Variants in PTPN14 observed in about 807,000 individuals in gnomAD.
PTPN14 encodes protein tyrosine phosphatase non-receptor type 14, also known as tyrosine-protein phosphatase non-receptor type 14.
PTPN14 carries 53 observed loss-of-function variants against 126.8 expected under a neutral mutation model. The ratio of observed to expected loss-of-function variants is 0.42; its 90% CI spans 0.34 to 0.53. The LOEUF (loss-of-function observed/expected upper bound fraction) is 0.53. Among genes scored for constraint, PTPN14 ranks in the 20% least tolerant of loss-of-function variants. The probability of loss-of-function intolerance (pLI) is 0.08; values close to 1 mark genes in which losing one functional copy is unlikely to be tolerated. For missense variants in PTPN14, 1,257 were observed against 1,552.9 expected (o/e 0.81, Z 3.20); for synonymous variants, 630 against 599.3 (o/e 1.05, Z -0.75).
intron 1 of PTPN14, among the ~76,000 whole-genome samples, chr1:214,543,063 G>C (rs796232178): frequency 3.0e-4 from 46 of 152,170 alleles, no homozygotes; most frequent in African/African-American, 9.9e-4. Flanking sequence ...AATCTGCCTT[G>C]ACATGGTGTC....
chr1:214,501,023 T>C (rs1426931054), intron 1 of PTPN14, among the ~76,000 whole-genome samples: 1 of 152,122 alleles, frequency 6.6e-6, no homozygotes, highest in African/African-American at 2.4e-5. Context: ...AAACTAAATA[T>C]AGCAAAGATA....
rs556607449 is a variant in PTPN14, at chr1:214,462,503, G to A, written c.174+2127C>T. Among the ~76,000 whole-genome samples the A allele has an allele frequency of 2.0e-5, 3 of 152,238 alleles. No homozygotes were observed. In the East Asian group the frequency reaches 5.8e-4, roughly 29 times the overall value. On this transcript the variant is annotated intron_variant, in intron 2 of 18. Coordinates refer to ENST00000366956, the MANE Select transcript of PTPN14 (RefSeq NM_005401.5). The stretch of plus-strand genomic sequence containing the variant: ...AGTCCCCCACACTAAAGATGACATG[G>A]CCTTCTTTTCTACCTGCTGGACTGA...
At chr1:214,391,709 A>AAC (rs1658756393) in intron 10 of PTPN14, among the ~76,000 whole-genome samples, 1 of 151,454 alleles carries the variant, frequency 6.6e-6, no homozygotes, top group Non-Finnish European at 1.5e-5. Flanking sequence ...TACCATAAAA[A>AAC]AAAAAAAAAA....
At chr1:214,547,618 T>C (rs1656003962) in intron 1 of PTPN14, among the ~76,000 whole-genome samples, 3 of 152,222 alleles carry the variant, frequency 2.0e-5, no homozygotes, top group African/African-American at 4.8e-5. Flanking sequence ...GCTGCAAAGA[T>C]ACAGCAGCTA....
At chr1:214,548,052 C>A (rs1656016038) in intron 1 of PTPN14, among the ~76,000 whole-genome samples, 1 of 152,174 alleles carries the variant, frequency 6.6e-6, no homozygotes, top group Non-Finnish European at 1.5e-5. Flanking sequence ...CATCCTTGAC[C>A]TATTCTGTGT....
intron 6 of PTPN14, among the ~76,000 whole-genome samples, chr1:214,402,110 T>TAAA (rs952421810): frequency 2.1e-5 from 3 of 144,368 alleles, no homozygotes; most frequent in African/African-American, 7.6e-5. Flanking sequence ...TCTTCATTAT[T>TAAA]AAAAAAAAAA....
chr1:214,353,020 T>A lies in PTPN14; in HGVS notation c.*4902A>T, dbSNP rs12747796. On this transcript the variant is annotated 3_prime_UTR_variant, in exon 19 of 19. Transcript: ENST00000366956. ...TTCTGACACTGAGTAAGAACACAGGTCTGACTCAATCCCATCCCTTGAATC... is the reference window on the plus strand; with the variant it reads ...TTCTGACACTGAGTAAGAACACAGGACTGACTCAATCCCATCCCTTGAATC... 17,881 of 152,038 alleles carry A rather than the reference T, an allele frequency of 0.12. 1,153 individuals are homozygous for A. The highest frequency in any genetic ancestry group is 0.2 in the Middle Eastern group (58 of 294). The allele number at this position is 152,038 out of a possible 1,614,324, so 9.4% of individuals were successfully genotyped here.
At chr1:214,523,358 C>T (rs1015884642) in intron 1 of PTPN14, among the ~76,000 whole-genome samples, 4 of 152,132 alleles carry the variant, frequency 2.6e-5, no homozygotes, top group Admixed American at 2.0e-4. Context: ...ACCACATACA[C>T]GACAGTAGCC....
In PTPN14 at chr1:214,383,659, C is replaced by T; in HGVS notation, c.2196G>A (p.Glu732=). ...GGGCCGCCTGCAGCTGGGCACTGTA[C>T]TCCATCTTCTCCCGGAGCATGGGGA... ...PQIPMLREKM[E]YSAQLQAALA... is the part of the protein sequence containing the mutation. The change falls in exon 13 of 19, where the codon GAG becomes GAA. Residue 732 remains glutamate, a synonymous_variant. Transcript: ENST00000366956. This position sits in a 1 kb window ranked among gnomAD's most constrained non-coding sequence, Gnocchi z 4.4. 1 of 1,613,468 alleles carries T rather than the reference C, an allele frequency of 6.2e-7. No homozygotes were observed. The highest frequency in any genetic ancestry group is 8.5e-7 in the Non-Finnish European group (1 of 1,180,032).
chr1:214,455,349 T>C (rs1209264609), intron 2 of PTPN14, among the ~76,000 whole-genome samples: 1 of 152,170 alleles, frequency 6.6e-6, no homozygotes, highest in African/African-American at 2.4e-5. Flanking sequence ...TGATTGCAAA[T>C]AGAAACCACC....
At chr1:214,492,835 T>A (rs1467168335) in intron 1 of PTPN14, among the ~76,000 whole-genome samples, 1 of 150,772 alleles carries the variant, frequency 6.6e-6, no homozygotes, top group Non-Finnish European at 1.5e-5. Flanking sequence ...AAGGCAGAGG[T>A]TGCAGTGAGC....
intron 3 of PTPN14, among the ~76,000 whole-genome samples, chr1:214,435,416 A>T (rs997967167): frequency 6.6e-6 from 1 of 152,156 alleles, no homozygotes; most frequent in Non-Finnish European, 1.5e-5. Flanking sequence ...CAATGTCCTA[A>T]ATTAGAAAAT....
At chr1:214,403,131 T>C (rs1156319379) in intron 5 of PTPN14, among the ~76,000 whole-genome samples, 178 bp from the exon 6 acceptor site, 6 of 152,222 alleles carry the variant, frequency 3.9e-5, no homozygotes, top group African/African-American at 1.4e-4. Context: ...ATTTCTACTG[T>C]TATAACACGG....
chr1:214,405,079 A>G (rs1659129890), intron 5 of PTPN14, among the ~76,000 whole-genome samples: 1 of 152,156 alleles, frequency 6.6e-6, no homozygotes, highest in East Asian at 1.9e-4. Flanking sequence ...CTGCTTTTAC[A>G]TTTCCATTCG....
chr1:214,504,985 T>C (rs375602651), intron 1 of PTPN14, among the ~76,000 whole-genome samples: 81 of 152,036 alleles, frequency 5.3e-4, no homozygotes, highest in Middle Eastern at 6.8e-3. Context: ...GTAGGGAATA[T>C]AGGAGAAAAG....
chr1:214,420,332 C>T (rs899822340), intron 3 of PTPN14, among the ~76,000 whole-genome samples: 5 of 152,218 alleles, frequency 3.3e-5, no homozygotes, highest in Non-Finnish European at 7.3e-5. Flanking sequence ...TCTTGGCAAA[C>T]GTTCAAGTCT....
chr1:214,416,665 T>G (rs1171525997), intron 3 of PTPN14, among the ~76,000 whole-genome samples: 1 of 152,070 alleles, frequency 6.6e-6, no homozygotes, highest in African/African-American at 2.4e-5. Flanking sequence ...CCATCCAAAC[T>G]AGGAGAGAAT....
chr1:214,380,540 T>C (rs1658448247), intron 13 of PTPN14, among the ~76,000 whole-genome samples: 1 of 152,136 alleles, frequency 6.6e-6, no homozygotes, highest in South Asian at 2.1e-4. Flanking sequence ...GGAGCCAGAA[T>C]GAGAAGCTAT....
intron 8 of PTPN14, among the ~76,000 whole-genome samples, chr1:214,396,151 C>T (rs1658873814): frequency 6.6e-6 from 1 of 152,172 alleles, no homozygotes; most frequent in Non-Finnish European, 1.5e-5. Flanking sequence ...ATAATATTGT[C>T]TCTTAGCTGT....
Sources: allele counts gnomAD v4.1 joint callset (sites outside exome capture counted in the v4.1 genomes callset), GRCh38; gene constraint gnomAD v4.1.1; non-coding constraint Gnocchi (gnomAD v3.1); transcripts MANE v1.5; gene names NCBI Gene and HGNC (gene_info 2026-07-23, HGNC 2026-07-21).